Variants in EFCAB9 observed in about 807,000 individuals in gnomAD.
EFCAB9 encodes the protein EF-hand calcium-binding domain-containing protein 9.
Under a neutral mutation model 15.6 loss-of-function variants are expected in EFCAB9, and 16 were observed. That is an observed-to-expected ratio of 1.03 (90% CI 0.69 to 1.56). The LOEUF (loss-of-function observed/expected upper bound fraction) is 1.56. Ranked by LOEUF, EFCAB9 falls within the 40% of genes most tolerant of loss-of-function variation. The pLI is 0.00. For missense variants in EFCAB9, 208 were observed against 235.4 expected, an observed-to-expected ratio of 0.88 and a Z score of 0.76; for synonymous variants, 76 against 85.4, an observed-to-expected ratio of 0.89 and a Z score of 0.61.
At chr5:172,199,572 G>A in intron 2 of EFCAB9, 41 bp downstream of exon 2, 2 of 1,533,890 alleles carry the variant, frequency 1.3e-6, no homozygotes, top group Admixed American at 4.0e-5. Flanking sequence ...TTGCTAATGG[G>A]AGCACTGAAT....
In EFCAB9 at chr5:172,203,223, T is replaced by C. The variant is rs1341705039; in HGVS notation, c.472T>C (p.Tyr158His). Reference sequence around the variant, plus strand: ...CCCACCCTAACCAAAGCGTCTTAATTATCAGGAATTTAAGCTGTATACAAT... The same window carrying C: ...CCCACCCTAACCAAAGCGTCTTAATCATCAGGAATTTAAGCTGTATACAAT... ...FDITGDNRLN[Y>H]QEFKLYTIIY... Residue 158 changes from tyrosine (Y) to histidine (H), a missense_variant, in exon 4 of 4, where the codon TAT (tyrosine) becomes CAT (histidine). Transcript: ENST00000398186. The C allele has an allele frequency of 6.6e-7, 1 of 1,519,870 alleles. No individual in the cohort carries two copies. Among genetic ancestry groups the C allele is most frequent in the East Asian group, 2.5e-5 (1 of 40,734 alleles). 94.1% of individuals were successfully genotyped at this position (1,519,870 alleles called of 1,614,324 possible).
chr5:172,199,619 AAG>A, intron 2 of EFCAB9, 88 bp downstream of exon 2: 4 of 1,470,856 alleles, frequency 2.7e-6, no homozygotes, highest in Non-Finnish European at 3.6e-6. Context: ...TTTCACTAAA[AAG>A]AGGAAGAAAA....
intron 1 of EFCAB9, among the ~76,000 whole-genome samples, chr5:172,195,959 A>G (rs1293294253): frequency 6.6e-6 from 1 of 151,894 alleles, no homozygotes; most frequent in African/African-American, 2.4e-5. Flanking sequence ...GTGCACCACC[A>G]CACCCGCTAA....
chr5:172,201,126 A>T (rs1024751099), intron 3 of EFCAB9, among the ~76,000 whole-genome samples: 2 of 152,196 alleles, frequency 1.3e-5, no homozygotes, highest in Non-Finnish European at 2.9e-5. Context: ...CTATAATGCC[A>T]GAATTTTGGG....
rs1435303401 is a variant in EFCAB9 at position 172,194,248 on chromosome 5, G to A, written c.76G>A (p.Val26Met). 10 of 1,537,686 alleles carry A rather than the reference G, an allele frequency of 6.5e-6. No individual in the cohort carries two copies. Among genetic ancestry groups the A allele is most frequent in the African/African-American group, 2.7e-5 (2 of 73,020 alleles). Residue 26 changes from valine (V) to methionine (M), a missense_variant, in exon 1 of 4, where the codon GTG becomes ATG. By Grantham distance (21) the Val-to-Met change is conservative (BLOSUM62 1). Coordinates refer to ENST00000398186, the MANE Select transcript of EFCAB9 (RefSeq NM_001171183.2). ...ATACTGCTTATTATCCGTGAGAAAC[G>A]TGAAGGCTTTGGCAGAATATTTTCA... is the stretch of plus-strand genomic sequence containing the variant. ...KIYCLLSVRNVKALAEYFHIL... is the reference protein window; with the variant it reads ...KIYCLLSVRNMKALAEYFHIL...
intron 3 of EFCAB9, among the ~76,000 whole-genome samples, chr5:172,201,748 C>T (rs997038262): frequency 6.6e-6 from 1 of 152,088 alleles, no homozygotes; most frequent in African/African-American, 2.4e-5. Context: ...GTGGTGCGCA[C>T]CTGTAGTCCC....
At chr5:172,203,187 T>TC in intron 3 of EFCAB9, 27 bp from the exon 4 acceptor site, 1 of 1,430,782 alleles carries the variant, frequency 7.0e-7, no homozygotes, top group Non-Finnish European at 9.1e-7. Context: ...TGAAATAATT[T>TC]TTCTTTCCCC....
chr5:172,200,342 T>C (rs1422151326), intron 2 of EFCAB9, among the ~76,000 whole-genome samples: 2 of 152,172 alleles, frequency 1.3e-5, no homozygotes, highest in African/African-American at 2.4e-5. Context: ...TCTAGCAGAA[T>C]TGATTATTAC....
At position 172,194,328 on chromosome 5, in the gene EFCAB9, TCTC is replaced by T; in HGVS notation, c.136+24_136+26del. On this transcript the variant is annotated intron_variant, in intron 1 of 3. Transcript: ENST00000398186. ...TGAATGGTCAGTACTTTCAGACATG[TCTC>T]CTCTGGGTCCTTACCTGGGTTTTAG... 1 of 1,537,432 alleles carries T rather than the reference TCTC, an allele frequency of 6.5e-7. No homozygotes were observed. Among genetic ancestry groups the T allele is most frequent in the Non-Finnish European group, 8.7e-7 (1 of 1,146,754 alleles).
chr5:172,200,627 T>C lies in EFCAB9; in HGVS notation c.347T>C (p.Leu116Pro), dbSNP rs759760888. The C allele has an allele frequency of 1.3e-6, 2 of 1,537,244 alleles. No individual in the cohort carries two copies. The highest frequency in any genetic ancestry group is 1.4e-5 in the African/African-American group (1 of 73,128). Residue 116 changes from leucine (L) to proline (P), a missense_variant, in exon 3 of 4, where the codon CTG becomes CCG. Leu to Pro is a moderately conservative substitution (Grantham distance 98). Transcript: ENST00000398186. ...CGGCCTGTCTTTGACCTGCTTGACC[T>C]GAAAGGGGATCTGAGAATTGGTGCA... ...HSRPVFDLLD[L>P]KGDLRIGAKN...
At chr5:172,195,427 C>T (rs987393412) in intron 1 of EFCAB9, among the ~76,000 whole-genome samples, 2 of 152,148 alleles carry the variant, frequency 1.3e-5, no homozygotes, top group African/African-American at 4.8e-5. Context: ...AAAAGAACAC[C>T]TTCTTTCTCT....
chr5:172,203,424 T>G lies in EFCAB9; in HGVS notation c.*79T>G, dbSNP rs967190952. 12 of 1,439,110 alleles carry G rather than the reference T, an allele frequency of 8.3e-6. No homozygotes were observed. The highest frequency in any genetic ancestry group is 1.1e-5 in the Non-Finnish European group (12 of 1,098,298). 89.1% of individuals were successfully genotyped at this position (1,439,110 alleles called of 1,614,324 possible). A position where few individuals can be genotyped will look rare whatever the true frequency, so the allele number is the denominator to read the frequency against. On this transcript the variant is annotated 3_prime_UTR_variant, in exon 4 of 4. Coordinates refer to ENST00000398186, the MANE Select transcript of EFCAB9 (RefSeq NM_001171183.2). The stretch of plus-strand genomic sequence containing the variant: ...AACATTGATGAAGACTGTTAACATG[T>G]CTAAAAATAAATTCAGAGCATCAAA...
intron 1 of EFCAB9, among the ~76,000 whole-genome samples, chr5:172,196,933 C>A (rs12515443): frequency 0.18 from 27,122 of 151,932 alleles, 2,575 homozygotes; most frequent in East Asian, 0.35. Flanking sequence ...AAGAAAACAA[C>A]AAAAAACTTC....
At chr5:172,196,756 C>T (rs1193875135) in intron 1 of EFCAB9, among the ~76,000 whole-genome samples, 1 of 152,056 alleles carries the variant, frequency 6.6e-6, no homozygotes, top group Admixed American at 6.6e-5. Context: ...CGTAAAAATC[C>T]CTTGTTACTG....
At chr5:172,195,195 T>TAAATAAATAA (rs1771140410) in intron 1 of EFCAB9, among the ~76,000 whole-genome samples, 2 of 148,312 alleles carry the variant, frequency 1.3e-5, no homozygotes, top group African/African-American at 2.5e-5. Context: ...AATAAATAAA[T>TAAATAAATAA]AAATAAATAA....
Position 172,194,263 on chromosome 5 carries a change from G to C in EFCAB9, c.91G>C (p.Glu31Gln). The change falls in exon 1 of 4, where the codon GAA becomes CAA. Residue 31 changes from glutamate to glutamine, a missense_variant. Coordinates refer to ENST00000398186, the MANE Select transcript of EFCAB9 (RefSeq NM_001171183.2). ...CGTGAGAAACGTGAAGGCTTTGGCA[G>C]AATATTTTCATATTCTGGACGTGCA... is the stretch of plus-strand genomic sequence containing the variant. The part of the protein sequence containing the change: ...LSVRNVKALA[E>Q]YFHILDVHGK... The C allele has an allele frequency of 2.0e-6, 3 of 1,537,918 alleles. No homozygotes were observed.
At position 172,200,689 on chromosome 5, in the gene EFCAB9, C is replaced by A. The variant is rs756172250; in HGVS notation, c.409C>A (p.Gln137Lys). ...AATGTACAGATTTCTCTTCAATATT[C>A]AAAAACAGGAACTCAAAGATCTCTT... ...FEMYRFLFNIQKQELKDLFRD... is the reference protein window; with the variant it reads ...FEMYRFLFNIKKQELKDLFRD... The change falls in exon 3 of 4, where the codon CAA becomes AAA. Residue 137 changes from glutamine to lysine, a missense_variant. Gln to Lys is a moderately conservative substitution (Grantham distance 53). Coordinates refer to ENST00000398186, the MANE Select transcript of EFCAB9 (RefSeq NM_001171183.2). 2 of 1,537,408 alleles carry A rather than the reference C, an allele frequency of 1.3e-6. No individual in the cohort carries two copies. The highest frequency in any genetic ancestry group is 2.4e-5 in the East Asian group (1 of 40,912).
chr5:172,201,549 AAAAC>A (rs71577525), intron 3 of EFCAB9, among the ~76,000 whole-genome samples: 48,894 of 151,612 alleles, frequency 0.32, 8,963 homozygotes, highest in Non-Finnish European at 0.41. Flanking sequence ...TCCATCTTAA[AAAAC>A]AAACAAACAA....
intron 1 of EFCAB9, among the ~76,000 whole-genome samples, chr5:172,194,956 A>T (rs566056781): frequency 1.3e-5 from 2 of 152,182 alleles, no homozygotes; most frequent in South Asian, 4.1e-4. Context: ...GAGTATGGCA[A>T]ATGCTTAGCA....
Sources: allele counts gnomAD v4.1 joint callset (sites outside exome capture counted in the v4.1 genomes callset), GRCh38; gene constraint gnomAD v4.1.1; transcripts MANE v1.5; gene names NCBI Gene and HGNC (gene_info 2026-07-23, HGNC 2026-07-21).